KMT2C: variants seen among roughly 807,000 people sequenced by gnomAD.
The protein encoded by KMT2C is histone-lysine N-methyltransferase 2C.
In KMT2C, 88 loss-of-function variants were observed where a neutral mutation model predicts 507.9. That is an observed-to-expected ratio of 0.17 (90% CI 0.15 to 0.21). The LOEUF (loss-of-function observed/expected upper bound fraction) is 0.21, where lower values mean the gene tolerates loss of function less well. KMT2C is among the 10% of genes least tolerant of loss of function. The pLI, the probability that KMT2C is intolerant of heterozygous loss-of-function variation, is 1.00. For synonymous variants in KMT2C, 2,049 were observed against 2,080.8 expected (o/e 0.98, Z 0.42); for missense variants, 4,954 against 5,957.8 (o/e 0.83, Z 5.55).
intron 37 of KMT2C, among the ~76,000 whole-genome samples, chr7:152,178,270 A>G (rs1249789767): frequency 6.6e-6 from 1 of 152,172 alleles, no homozygotes; most frequent in African/African-American, 2.4e-5. Flanking sequence ...ACAAAAATGA[A>G]GACAAAGGAA....
chr7:152,168,897 T>C (rs1368307209), intron 41 of KMT2C, among the ~76,000 whole-genome samples: 1 of 152,208 alleles, frequency 6.6e-6, no homozygotes, highest in Non-Finnish European at 1.5e-5. Flanking sequence ...GACTGTAAAG[T>C]GCCCAATCTG....
chr7:152,256,013 A>G (rs532800796), intron 9 of KMT2C, among the ~76,000 whole-genome samples: 1 of 152,170 alleles, frequency 6.6e-6, no homozygotes, highest in Non-Finnish European at 1.5e-5. Context: ...TACTAAAAAT[A>G]CAAAAATTAG....
chr7:152,292,631 C>T (rs2096446516), intron 6 of KMT2C, among the ~76,000 whole-genome samples: 1 of 152,154 alleles, frequency 6.6e-6, no homozygotes, highest in African/African-American at 2.4e-5. Flanking sequence ...CCCACATAAA[C>T]ACAGCTGGAG....
chr7:152,237,456 C>T (rs535096044), intron 15 of KMT2C, among the ~76,000 whole-genome samples: 1 of 152,238 alleles, frequency 6.6e-6, no homozygotes, highest in African/African-American at 2.4e-5. Flanking sequence ...AGCTTCTTTG[C>T]ACAACAGATG....
At chr7:152,142,807 G>A (rs181632572) in intron 55 of KMT2C, among the ~76,000 whole-genome samples, 80 of 152,306 alleles carry the variant, frequency 5.3e-4, no homozygotes, top group Non-Finnish European at 6.8e-4. Flanking sequence ...TTATTACAGA[G>A]AAAAGGAAGA....
intron 14 of KMT2C, among the ~76,000 whole-genome samples, chr7:152,243,692 G>C (rs1328865765): frequency 6.6e-6 from 1 of 152,166 alleles, no homozygotes; most frequent in Non-Finnish European, 1.5e-5. Context: ...GGCTGAGACA[G>C]GAGAACTGCT....
In KMT2C at chr7:152,187,639, T is replaced by C. The variant is rs891143879; in HGVS notation, c.4793+76A>G. 2.8e-5 allele frequency: 42 copies of C among 1,521,002 alleles called. No homozygotes were observed. The African/African-American group carries it at 5.3e-4, about 19-fold the overall frequency. The allele number at this position is 1,521,002 out of a possible 1,614,324, so 94.2% of individuals were successfully genotyped here. The stretch of plus-strand genomic sequence containing the variant: ...ATACAATAATATCATACACAATCAT[T>C]TAAGCAGACTAATTTATATATAAAT... On this transcript the variant is annotated intron_variant, in intron 32 of 58. Coordinates refer to ENST00000262189, the MANE Select transcript of KMT2C (RefSeq NM_170606.3).
intron 58 of KMT2C, 81 bp from the exon 59 acceptor site, chr7:152,137,005 A>AAAACCAGCAAACG: frequency 1.9e-6 from 2 of 1,054,410 alleles, no homozygotes; most frequent in Non-Finnish European, 2.9e-6. Flanking sequence ...CTTGCATTTT[A>AAAACCAGCAAACG]AAACCAGCAA....
At chr7:152,222,469 A>T (rs2094805125) in intron 21 of KMT2C, 104 bp downstream of exon 21, 1 of 569,072 alleles carries the variant, frequency 1.8e-6, no homozygotes, top group Non-Finnish European at 3.1e-6. Context: ...TAAGTTTCAC[A>T]AAGACAAAAT....
intron 38 of KMT2C, 33 bp from the exon 39 acceptor site, chr7:152,174,275 A>G: frequency 2.7e-6 from 3 of 1,120,052 alleles, no homozygotes; most frequent in Non-Finnish European, 4.0e-6. Context: ...CTTATTTCAT[A>G]GTAATTAGTT....
At chr7:152,290,206 A>C (rs929686361) in intron 6 of KMT2C, among the ~76,000 whole-genome samples, 4 of 128,096 alleles carry the variant, frequency 3.1e-5, no homozygotes, top group Admixed American at 1.7e-4. Context: ...TAGTCTAATA[A>C]ATTTTATATA....
At chr7:152,278,806 A>G (rs1255696930) in intron 6 of KMT2C, among the ~76,000 whole-genome samples, 1 of 152,310 alleles carries the variant, frequency 6.6e-6, no homozygotes, top group Non-Finnish European at 1.5e-5. Context: ...CATAGTCATT[A>G]AAGTTTATAC....
intron 1 of KMT2C, among the ~76,000 whole-genome samples, chr7:152,415,602 C>G (rs2116700389): frequency 6.6e-6 from 1 of 152,310 alleles, no homozygotes; most frequent in African/African-American, 2.4e-5. Context: ...CAAAAAAAGG[C>G]TGACGCGGTG....
At chr7:152,195,444 C>A (rs1276505671) in intron 28 of KMT2C, 2 of 637,168 alleles carry the variant, frequency 3.1e-6, no homozygotes, top group Non-Finnish European at 3.9e-6. Flanking sequence ...CATGCACCTA[C>A]AGGTTGTTTC....
chr7:152,289,620 C>T (rs2096372203), intron 6 of KMT2C, among the ~76,000 whole-genome samples: 1 of 152,110 alleles, frequency 6.6e-6, no homozygotes, highest in Non-Finnish European at 1.5e-5. Flanking sequence ...GAGCCTGTCA[C>T]TTCAAGGAAA....
At chr7:152,197,177 C>G (rs2093987962) in intron 27 of KMT2C, among the ~76,000 whole-genome samples, 1 of 152,136 alleles carries the variant, frequency 6.6e-6, no homozygotes, top group African/African-American at 2.4e-5. Context: ...CTAAGGAAAG[C>G]TGAGACAAGT....
At chr7:152,186,848 C>T (rs1405425765) in intron 33 of KMT2C, among the ~76,000 whole-genome samples, 1 of 151,900 alleles carries the variant, frequency 6.6e-6, no homozygotes, top group Non-Finnish European at 1.5e-5. Context: ...GCTGGGCAGT[C>T]AGGGAAAGTG....
chr7:152,383,934 A>C (rs1437440959), intron 1 of KMT2C, among the ~76,000 whole-genome samples: 2 of 151,992 alleles, frequency 1.3e-5, no homozygotes, highest in African/African-American at 4.8e-5. Context: ...TTTCAACACC[A>C]ATCACTTTTT....
At chr7:152,388,712 T>C (rs201176991) in intron 1 of KMT2C, among the ~76,000 whole-genome samples, 671 of 140,448 alleles carry the variant, frequency 4.8e-3, no homozygotes, top group African/African-American at 0.017. Flanking sequence ...ACAGTTCTTA[T>C]TTTAGGCTCA....
Sources: allele counts gnomAD v4.1 joint callset (sites outside exome capture counted in the v4.1 genomes callset), GRCh38; gene constraint gnomAD v4.1.1; transcripts MANE v1.5; gene names NCBI Gene and HGNC (gene_info 2026-07-23, HGNC 2026-07-21).